Variants in JAKMIP2 observed in about 807,000 individuals in gnomAD.
JAKMIP2 encodes janus kinase and microtubule interacting protein 2.
A neutral mutation model predicts 115.0 loss-of-function variants in JAKMIP2; 25 were observed. The observed-to-expected ratio is 0.22, with a 90% CI of 0.16 to 0.30. The LOEUF (loss-of-function observed/expected upper bound fraction) is 0.30, where lower values mean the gene tolerates loss of function less well. Among genes scored for constraint, JAKMIP2 ranks in the 10% least tolerant of loss-of-function variants. The probability of loss-of-function intolerance (pLI) is 1.00; values close to 1 mark genes in which losing one functional copy is unlikely to be tolerated. For synonymous variants in JAKMIP2, 334 were observed against 343.6 expected, an observed-to-expected ratio of 0.97 and a Z score of 0.31; for missense variants, 642 against 957.6, an observed-to-expected ratio of 0.67 and a Z score of 4.35.
intron 1 of JAKMIP2, among the ~76,000 whole-genome samples, chr5:147,721,056 T>C (rs1753256965): frequency 6.6e-6 from 1 of 152,072 alleles, no homozygotes; most frequent in Non-Finnish European, 1.5e-5. Context: ...TTTGTTAGTT[T>C]TCCTTGTAAC....
chr5:147,686,553 C>G (rs531989393), intron 1 of JAKMIP2, among the ~76,000 whole-genome samples: 9 of 152,162 alleles, frequency 5.9e-5, no homozygotes, highest in Non-Finnish European at 1.3e-4. Flanking sequence ...GTGCTTAGCA[C>G]AGTGCCTCAT....
chr5:147,763,559 C>A (rs1755009479), intron 1 of JAKMIP2, among the ~76,000 whole-genome samples: 2 of 152,198 alleles, frequency 1.3e-5, no homozygotes, highest in South Asian at 4.1e-4. Flanking sequence ...ATCATTGCTT[C>A]TTCTTCTTTG....
At chr5:147,729,540 G>A (rs1047456004) in intron 1 of JAKMIP2, among the ~76,000 whole-genome samples, 3 of 152,086 alleles carry the variant, frequency 2.0e-5, no homozygotes, top group South Asian at 4.1e-4. Context: ...TTGGGAGGCC[G>A]AGGTGGGCAG....
intron 1 of JAKMIP2, among the ~76,000 whole-genome samples, chr5:147,737,610 G>C (rs1406720580): frequency 6.6e-6 from 1 of 152,156 alleles, no homozygotes; most frequent in Admixed American, 6.5e-5. Flanking sequence ...ACTAAAGGTG[G>C]TCAGAATTCT....
At chr5:147,763,765 C>T (rs373287934) in intron 1 of JAKMIP2, among the ~76,000 whole-genome samples, 82 of 152,084 alleles carry the variant, frequency 5.4e-4, no homozygotes, top group African/African-American at 1.8e-3. Flanking sequence ...GTTTTATCTT[C>T]GGGAAGATAC....
intron 1 of JAKMIP2, among the ~76,000 whole-genome samples, chr5:147,780,866 T>C (rs548351535): frequency 6.6e-6 from 1 of 152,328 alleles, no homozygotes; most frequent in Admixed American, 6.5e-5. Context: ...GACAATGATA[T>C]TGTTAGAGAA....
chr5:147,663,952 C>G (rs552490487), intron 2 of JAKMIP2, among the ~76,000 whole-genome samples: 1 of 152,196 alleles, frequency 6.6e-6, no homozygotes, highest in Admixed American at 6.5e-5. Context: ...GATTTTCTCT[C>G]CATGTAAAAT....
chr5:147,744,252 G>A (rs1259576826), intron 1 of JAKMIP2, among the ~76,000 whole-genome samples: 1 of 152,164 alleles, frequency 6.6e-6, no homozygotes, highest in African/African-American at 2.4e-5. Flanking sequence ...AAGAAAACAA[G>A]TCTTCTCTGG....
chr5:147,657,894 G>A (rs1758758336), intron 3 of JAKMIP2, among the ~76,000 whole-genome samples: 2 of 151,964 alleles, frequency 1.3e-5, no homozygotes. Context: ...ATTCTAGTTA[G>A]CGGTTCCTGT....
chr5:147,594,080 T>C (rs776755376), intron 21 of JAKMIP2, among the ~76,000 whole-genome samples: 9 of 152,298 alleles, frequency 5.9e-5, no homozygotes, highest in South Asian at 2.1e-4. Flanking sequence ...TAAAAACCAA[T>C]GGACTTACAG....
At chr5:147,775,320 T>A (rs1455511049) in intron 1 of JAKMIP2, among the ~76,000 whole-genome samples, 1 of 152,198 alleles carries the variant, frequency 6.6e-6, no homozygotes, top group Non-Finnish European at 1.5e-5. Flanking sequence ...GGAGATAGGA[T>A]GGAATGATTT....
chr5:147,718,734 C>T (rs1409072498), intron 1 of JAKMIP2, among the ~76,000 whole-genome samples: 2 of 152,118 alleles, frequency 1.3e-5, no homozygotes, highest in Non-Finnish European at 2.9e-5. Flanking sequence ...AGATTCTTCT[C>T]TCTTTTTTTC....
intron 16 of JAKMIP2, among the ~76,000 whole-genome samples, chr5:147,624,963 A>AATAT (rs1228180528): frequency 1.4e-5 from 2 of 138,304 alleles, no homozygotes; most frequent in Non-Finnish European, 3.0e-5. Context: ...ACTACAAGGT[A>AATAT]CTATTTATTT....
rs552002506 is a variant in JAKMIP2, at chr5:147,671,163, A to ACTATTTTTCT, written c.129+514_129+515insAGAAAAATAG. ...AAATAGGAAACAGAATGATCGAGAG[A>ACTATTTTTCT]GAGAAGTGGGAGATGAGTCAAAGAG... On this transcript the variant is annotated intron_variant, in intron 2 of 21. Coordinates refer to ENST00000616793, the MANE Select transcript of JAKMIP2 (RefSeq NM_001270941.2). Among the ~76,000 whole-genome samples, 316 of 152,296 alleles carry ACTATTTTTCT rather than the reference A, an allele frequency of 2.1e-3. 2 individuals are homozygous for ACTATTTTTCT. Among genetic ancestry groups the ACTATTTTTCT allele is most frequent in the African/African-American group, 7.1e-3 (296 of 41,562 alleles).
At chr5:147,603,497 C>A (rs1217739586) in intron 20 of JAKMIP2, among the ~76,000 whole-genome samples, 1 of 152,090 alleles carries the variant, frequency 6.6e-6, no homozygotes, top group Non-Finnish European at 1.5e-5. Flanking sequence ...TGTTCACGTA[C>A]CACAAGGGAA....
At chr5:147,656,143 T>C (rs1474690636) in intron 3 of JAKMIP2, among the ~76,000 whole-genome samples, 4 of 152,258 alleles carry the variant, frequency 2.6e-5, no homozygotes, top group Admixed American at 6.5e-5. Context: ...ATAAGTGCCA[T>C]GTGGCATGAG....
intron 21 of JAKMIP2, among the ~76,000 whole-genome samples, chr5:147,599,540 T>G (rs1164664705): frequency 6.6e-6 from 1 of 152,214 alleles, no homozygotes; most frequent in African/African-American, 2.4e-5. Flanking sequence ...AAGTGTCATT[T>G]ATGTGCTACT....
At chr5:147,596,872 C>T (rs1341378138) in intron 21 of JAKMIP2, among the ~76,000 whole-genome samples, 2 of 151,846 alleles carry the variant, frequency 1.3e-5, no homozygotes, top group Non-Finnish European at 2.9e-5. Context: ...CCTACTAATA[C>T]TTTATTTTTT....
chr5:147,743,995 C>CTTCT (rs1390766471), intron 1 of JAKMIP2, among the ~76,000 whole-genome samples: 3 of 102,240 alleles, frequency 2.9e-5, no homozygotes, highest in Non-Finnish European at 6.0e-5. Context: ...TCCTTCCTAA[C>CTTCT]TTCTTTCCTT....
Sources: allele counts gnomAD v4.1 joint callset (sites outside exome capture counted in the v4.1 genomes callset), GRCh38; gene constraint gnomAD v4.1.1; transcripts MANE v1.5; gene names NCBI Gene and HGNC (gene_info 2026-07-23, HGNC 2026-07-21).